Variants in AP2A2 observed in about 807,000 individuals in gnomAD.
The protein encoded by AP2A2 is AP-2 complex subunit alpha-2.
AP2A2 carries 32 observed loss-of-function variants against 104.2 expected under a neutral mutation model. That is an observed-to-expected ratio of 0.31 (90% confidence interval 0.23 to 0.41). The LOEUF (loss-of-function observed/expected upper bound fraction) is 0.41, where lower values mean the gene tolerates loss of function less well. AP2A2 is among the 10% of genes least tolerant of loss of function. The pLI, the probability that AP2A2 is intolerant of heterozygous loss-of-function variation, is 1.00. For synonymous variants in AP2A2, 539 were observed against 533.3 expected (o/e 1.01, Z -0.15); for missense variants, 912 against 1,261.0 (o/e 0.72, Z 4.19).
intron 14 of AP2A2, chr11:995,443 C>T: frequency 2.2e-6 from 1 of 455,650 alleles, no homozygotes; most frequent in Non-Finnish European, 4.4e-6. Context: ...GGCGGGCTTT[C>T]TGTTTGTCCA....
intron 14 of AP2A2, among the ~76,000 whole-genome samples, chr11:999,381 G>A (rs1053926039): frequency 1.3e-5 from 2 of 152,144 alleles, no homozygotes; most frequent in Non-Finnish European, 2.9e-5. Context: ...GCGTGATGGC[G>A]GCCACCTGTA....
At chr11:969,247 T>TTTGTTTG (rs1854735532) in intron 2 of AP2A2, among the ~76,000 whole-genome samples, 1 of 134,228 alleles carries the variant, frequency 7.5e-6, no homozygotes, top group Non-Finnish European at 1.6e-5. Flanking sequence ...TTTTTTTTTT[T>TTTGTTTG]GAGATGGAGT....
rs778599379 is a variant in AP2A2 at position 1,011,376 on chromosome 11, G to C, written c.*751G>C. 3.9e-6 allele frequency: 2 copies of C among 517,740 alleles called. No individual in the cohort carries two copies. Among genetic ancestry groups the C allele is most frequent in the Non-Finnish European group, 7.7e-6 (2 of 259,402 alleles). 32.1% of individuals were successfully genotyped at this position (517,740 alleles called of 1,614,324 possible). A position where few individuals can be genotyped will look rare whatever the true frequency, so the allele number is the denominator to read the frequency against. The stretch of plus-strand genomic sequence containing the variant: ...GGTAAAGTGTGGGCCGGTGGCGCAA[G>C]ACTCAGAGGTGTGCTCGTCTCTTTC... On this transcript the variant is annotated 3_prime_UTR_variant, in exon 22 of 22. Transcript: ENST00000448903.
intron 1 of AP2A2, among the ~76,000 whole-genome samples, chr11:938,540 T>A (rs1178995290): frequency 2.6e-5 from 4 of 151,400 alleles, no homozygotes; most frequent in Non-Finnish European, 4.4e-5. Context: ...AGTGGCGCGA[T>A]CTTGGCTCAC....
At chr11:981,329 A>G in intron 6 of AP2A2, 30 bp downstream of exon 6, 1 of 1,526,916 alleles carries the variant, frequency 6.5e-7, no homozygotes, top group African/African-American at 1.4e-5. Flanking sequence ...AGCAGAAGTC[A>G]GGGTGGGTTT....
At chr11:949,267 C>G (rs1446818740) in intron 1 of AP2A2, among the ~76,000 whole-genome samples, 1 of 151,630 alleles carries the variant, frequency 6.6e-6, no homozygotes, top group Non-Finnish European at 1.5e-5. Flanking sequence ...CAGAGAGAGA[C>G]TCTGTCTCAA....
At chr11:971,183 C>G (rs1173123615) in intron 3 of AP2A2, among the ~76,000 whole-genome samples, 3 of 151,928 alleles carry the variant, frequency 2.0e-5, no homozygotes, top group African/African-American at 7.3e-5. Context: ...TGGGCCTGCC[C>G]TTGTCCTGGG....
intron 15 of AP2A2, chr11:1,001,438 G>C (rs1202719348): frequency 6.6e-6 from 1 of 152,354 alleles, no homozygotes; most frequent in African/African-American, 2.4e-5. Flanking sequence ...TTCTGTCCCA[G>C]ATGGAGGTTA....
chr11:963,936 T>C (rs7123912), intron 2 of AP2A2, among the ~76,000 whole-genome samples: 77,074 of 152,170 alleles, frequency 0.51, 20,159 homozygotes, highest in Middle Eastern at 0.66. Context: ...CCTAGGAGTG[T>C]GGGTCCACTC....
intron 14 of AP2A2, chr11:995,501 G>A (rs1490169626): frequency 6.6e-6 from 3 of 452,864 alleles, no homozygotes; most frequent in East Asian, 7.0e-5. Context: ...GTGGCAACCA[G>A]TGCTGCTACC....
At chr11:1,003,629 G>T in intron 15 of AP2A2, 93 bp from the exon 16 acceptor site, 2 of 721,114 alleles carry the variant, frequency 2.8e-6, no homozygotes, top group Non-Finnish European at 4.4e-6. Context: ...GGTTTTTCTG[G>T]CCTCCTCGTG....
intron 2 of AP2A2, among the ~76,000 whole-genome samples, chr11:962,745 A>T (rs7924794): frequency 0.51 from 76,831 of 151,520 alleles, 20,113 homozygotes; most frequent in Middle Eastern, 0.66. Context: ...AAAAAAAAAA[A>T]TTTTGTTTTA....
chr11:944,317 G>C (rs1322452629), intron 1 of AP2A2, among the ~76,000 whole-genome samples: 1 of 152,174 alleles, frequency 6.6e-6, no homozygotes, highest in East Asian at 1.9e-4. Flanking sequence ...GCTATTGCTG[G>C]GTACCTGCTG....
intron 1 of AP2A2, 90 bp downstream of exon 1, chr11:926,178 G>A (rs1853113965): frequency 1.1e-6 from 1 of 941,488 alleles, no homozygotes; most frequent in Non-Finnish European, 1.4e-6. Flanking sequence ...GCCTCGAGGC[G>A]GGGGTGCAGG....
Position 926,115 on chromosome 11 carries a change from G to C in AP2A2, c.67+27G>C, listed in dbSNP as rs759764543. The C allele has an allele frequency of 4.0e-6, 5 of 1,255,014 alleles. No homozygotes were observed. In the African/African-American group the frequency reaches 6.3e-5, roughly 16 times the overall value. The allele number at this position is 1,255,014 out of a possible 1,614,324, so 77.7% of individuals were successfully genotyped here. ...TGAGTGGCGGGGGCGGCGTGGGGCC[G>C]GGGCCGGGGCCGCCGGCGGAGACGG... On this transcript the variant is annotated intron_variant, in intron 1 of 21. Coordinates refer to ENST00000448903, the MANE Select transcript of AP2A2 (RefSeq NM_012305.4).
At chr11:939,100 A>C (rs2134474885) in intron 1 of AP2A2, among the ~76,000 whole-genome samples, 1 of 151,846 alleles carries the variant, frequency 6.6e-6, no homozygotes, top group South Asian at 2.1e-4. Context: ...AATATAAAAA[A>C]ATTCCCTGAG....
chr11:1,009,139 C>T lies in AP2A2; in HGVS notation c.2460C>T (p.Pro820=), dbSNP rs756119889. ...GTFQNVSVQL[P]ITLNKFFQPT... ...TCCAGAACGTGTCTGTGCAGCTGCC[C>T]ATCACTCTCAACAAATTCTTCCAGC... Residue 820 remains proline (P), a synonymous_variant, in exon 19 of 22, where the codon CCC becomes CCT. Coordinates refer to ENST00000448903, the MANE Select transcript of AP2A2 (RefSeq NM_012305.4). 5 of 1,613,386 alleles carry T rather than the reference C, an allele frequency of 3.1e-6. No homozygotes were observed. In the African/African-American group the frequency reaches 5.3e-5, roughly 17 times the overall value.
At chr11:1,007,359 G>A (rs1169311712) in intron 17 of AP2A2, 1 of 154,108 alleles carries the variant, frequency 6.5e-6, no homozygotes, top group African/African-American at 2.4e-5. Context: ...TAAAGACTTT[G>A]TTTGGAATCT....
intron 1 of AP2A2, among the ~76,000 whole-genome samples, chr11:934,573 C>G (rs1166850835): frequency 6.6e-6 from 1 of 152,154 alleles, no homozygotes; most frequent in Non-Finnish European, 1.5e-5. Context: ...CTCACCCACC[C>G]TAAGCTTTGG....
Sources: allele counts gnomAD v4.1 joint callset (sites outside exome capture counted in the v4.1 genomes callset), GRCh38; gene constraint gnomAD v4.1.1; transcripts MANE v1.5; gene names NCBI Gene and HGNC (gene_info 2026-07-23, HGNC 2026-07-21).